UNC13C: variants seen among roughly 807,000 people sequenced by gnomAD.
The protein encoded by UNC13C is protein unc-13 homolog C.
UNC13C carries 174 observed loss-of-function variants against 245.4 expected under a neutral mutation model. That is an observed-to-expected ratio of 0.71 (90% confidence interval 0.63 to 0.80). UNC13C has a LOEUF of 0.80. UNC13C is among the 30% of genes least tolerant of loss of function. The pLI, the probability that UNC13C is intolerant of heterozygous loss-of-function variation, is 0.00. For synonymous variants in UNC13C, 992 were observed against 895.1 expected, an observed-to-expected ratio of 1.11 and a Z score of -1.93; for missense variants, 2,829 against 2,602.9, an observed-to-expected ratio of 1.09 and a Z score of -1.89.
chr15:53,884,051 G>A, the UNC13C span, among the ~76,000 whole-genome samples: 60 of 152,228 alleles, frequency 3.9e-4, no homozygotes, highest in Non-Finnish European at 7.1e-4. Flanking sequence ...TGCCGGTACC[G>A]TGCATGGCTG....
At chr15:53,928,713 C>T in the UNC13C span, among the ~76,000 whole-genome samples, 1 of 152,320 alleles carries the variant, frequency 6.6e-6, no homozygotes, top group Non-Finnish European at 1.5e-5. Flanking sequence ...CAGTTTGGTT[C>T]ACAGGGATGA....
At chr15:54,527,523 A>G (rs1895528698) in intron 25 of UNC13C, among the ~76,000 whole-genome samples, 1 of 152,172 alleles carries the variant, frequency 6.6e-6, no homozygotes, top group Non-Finnish European at 1.5e-5. Context: ...AATCATTCTG[A>G]TGATAAGTGC....
intron 2 of UNC13C, among the ~76,000 whole-genome samples, chr15:54,047,666 T>A (rs530528446): frequency 6.6e-6 from 1 of 152,310 alleles, no homozygotes; most frequent in South Asian, 2.1e-4. Context: ...ATTTGAGTTG[T>A]TTCCGCCTTT....
At chr15:54,343,454 A>G (rs530900483) in intron 17 of UNC13C, among the ~76,000 whole-genome samples, 1 of 152,242 alleles carries the variant, frequency 6.6e-6, no homozygotes, top group South Asian at 2.1e-4. Flanking sequence ...TTTATAATCA[A>G]TCTTACCAGA....
At chr15:53,857,865 G>C in the UNC13C span, among the ~76,000 whole-genome samples, 1 of 152,304 alleles carries the variant, frequency 6.6e-6, no homozygotes, top group East Asian at 1.9e-4. Context: ...ACAATGGTGA[G>C]CTGATGTTAA....
chr15:54,293,964 A>T lies in UNC13C; in HGVS notation c.3888A>T (p.Arg1296Ser). The T allele has an allele frequency of 6.3e-7, 1 of 1,593,660 alleles. No homozygotes were observed. The highest frequency in any genetic ancestry group is 8.5e-7 in the Non-Finnish European group (1 of 1,170,952). The part of the protein sequence containing the change: ...VWDEDDDIKS[R>S]VKQHFKKESD... ...ATGAAGATGATGATATTAAATCCAG[A>T]GTCAAGCAACATTTCAAAAAGGAGT... is the stretch of plus-strand genomic sequence containing the variant. The change falls in exon 11 of 33, where the codon AGA becomes AGT. Residue 1296 changes from arginine to serine, a missense_variant. Coordinates refer to ENST00000260323, the MANE Select transcript of UNC13C (RefSeq NM_001080534.3).
At chr15:54,297,960 A>C (rs1403664251) in intron 12 of UNC13C, 34 bp downstream of exon 12, 4 of 1,291,836 alleles carry the variant, frequency 3.1e-6, no homozygotes, top group Non-Finnish European at 2.2e-6. Context: ...TACAAAATAT[A>C]AGAAATGTTC....
chr15:54,072,298 GA>G (rs1348246058), intron 2 of UNC13C, among the ~76,000 whole-genome samples: 1 of 152,108 alleles, frequency 6.6e-6, no homozygotes, highest in African/African-American at 2.4e-5. Context: ...CCTTCATTTA[GA>G]AAAATCTGTA....
intron 17 of UNC13C, among the ~76,000 whole-genome samples, chr15:54,349,956 G>T (rs760614093): frequency 2.6e-5 from 4 of 151,956 alleles, no homozygotes; most frequent in Non-Finnish European, 4.4e-5. Flanking sequence ...AACAAGGGAA[G>T]AAACATAATG....
intron 30 of UNC13C, among the ~76,000 whole-genome samples, chr15:54,577,534 C>G (rs1056526599): frequency 2.6e-5 from 4 of 152,126 alleles, no homozygotes; most frequent in Admixed American, 6.6e-5. Context: ...GCAGGGAGCC[C>G]CTCCTAAAAG....
chr15:54,627,128 G>A lies in UNC13C; in HGVS notation c.*15G>A, dbSNP rs1901224655. 2.5e-6 allele frequency: 4 copies of A among 1,595,462 alleles called. No individual in the cohort carries two copies. Among genetic ancestry groups the A allele is most frequent in the Non-Finnish European group, 3.4e-6 (4 of 1,170,350 alleles). The stretch of plus-strand genomic sequence containing the variant: ...AGAGTGCTTGAAACAAACACTGCAA[G>A]CTAAATACATAACTATAATTGTTTG... On this transcript the variant is annotated 3_prime_UTR_variant, in exon 33 of 33. Transcript: ENST00000260323.
chr15:54,218,049 T>C (rs1234131500), intron 4 of UNC13C, among the ~76,000 whole-genome samples: 3 of 152,122 alleles, frequency 2.0e-5, no homozygotes, highest in South Asian at 2.1e-4. Flanking sequence ...TATCATTTTA[T>C]TGATTTTTAA....
chr15:54,431,970 A>G (rs754659915), intron 19 of UNC13C, among the ~76,000 whole-genome samples: 6 of 151,674 alleles, frequency 4.0e-5, no homozygotes, highest in African/African-American at 1.4e-4. Context: ...GAATATATCA[A>G]GTTAGCACAT....
rs770866843 is a variant in UNC13C at position 54,517,350 on chromosome 15, C to T, written c.5457+5520C>T. On this transcript the variant is annotated intron_variant, in intron 24 of 32. Coordinates refer to ENST00000260323, the MANE Select transcript of UNC13C (RefSeq NM_001080534.3). ...TTCTAAACCAATTTGAAAAGTTCTT[C>T]GTATTTAGTTAGAATATCCATTGTT... Among the ~76,000 whole-genome samples, 5 of 152,216 alleles carry T rather than the reference C, an allele frequency of 3.3e-5. No individual in the cohort carries two copies. In the South Asian group the frequency reaches 6.2e-4, roughly 19 times the overall value.
intron 2 of UNC13C, among the ~76,000 whole-genome samples, chr15:54,138,953 A>ATTTTT (rs56255946): frequency 0.012 from 576 of 48,566 alleles, 124 homozygotes; most frequent in African/African-American, 0.042. Context: ...ATTTCCCCTA[A>ATTTTT]TTTTTTTTTT....
chr15:54,235,004 A>G, intron 4 of UNC13C, 26 bp from the exon 5 acceptor site: 2 of 1,606,646 alleles, frequency 1.2e-6, no homozygotes, highest in Non-Finnish European at 1.7e-6. Flanking sequence ...ACCCATTGCA[A>G]TTATTGGTTT....
At chr15:53,964,312 T>C in the UNC13C span, among the ~76,000 whole-genome samples, 59 of 152,032 alleles carry the variant, frequency 3.9e-4, no homozygotes, top group Non-Finnish European at 7.6e-4. Flanking sequence ...CTGAAAAGAG[T>C]TGGTATGATT....
At chr15:53,974,424 G>T (rs1408414752), upstream of UNC13C, among the ~76,000 whole-genome samples, 1 of 152,168 alleles carries the variant, frequency 6.6e-6, no homozygotes, top group Non-Finnish European at 1.5e-5. Context: ...TATGAGTCTA[G>T]CCTTCAGCTG....
At chr15:53,842,451 G>A in the UNC13C span, among the ~76,000 whole-genome samples, 2 of 152,174 alleles carry the variant, frequency 1.3e-5, no homozygotes, top group African/African-American at 4.8e-5. Flanking sequence ...CATTGGCTGA[G>A]TTTGTGACTC....
Sources: gnomAD v4.1 joint callset for allele counts (sites outside exome capture counted in the v4.1 genomes callset) on GRCh38, gnomAD v4.1.1 for gene constraint, MANE v1.5 for transcripts, NCBI Gene and HGNC (gene_info 2026-07-23, HGNC 2026-07-21) for gene names.